Variants in SMYD3 observed in about 807,000 individuals in gnomAD.
The protein encoded by SMYD3 is histone-lysine N-methyltransferase SMYD3.
Under a neutral mutation model 57.7 loss-of-function variants are expected in SMYD3, and 36 were observed. The observed-to-expected ratio is 0.62, with a 90% CI of 0.48 to 0.82. SMYD3 has a LOEUF of 0.82. Among genes scored for constraint, SMYD3 ranks in the 40% least tolerant of loss-of-function variants. SMYD3 has a pLI of 0.00. For missense variants in SMYD3, 515 were observed against 538.8 expected (o/e 0.96, Z 0.44); for synonymous variants, 211 against 195.0 (o/e 1.08, Z -0.68).
rs111447659 is a variant in SMYD3 at position 246,001,731 on chromosome 1, T to C, written c.532-71794A>G. ...GATAGTCAAACAGGGGTCATTGCCC[T>C]GGCTGATAATTTTCAGAATTGCAGA... On this transcript the variant is annotated intron_variant, in intron 5 of 11. Transcript: ENST00000490107. Among the ~76,000 whole-genome samples the C allele has an allele frequency of 9.0e-3, 1,369 of 152,358 alleles. 17 individuals carry two copies. Among genetic ancestry groups the C allele is most frequent in the African/African-American group, 0.031 (1,278 of 41,590 alleles).
chr1:245,777,389 C>A (rs954174421), intron 10 of SMYD3, among the ~76,000 whole-genome samples: 2 of 152,016 alleles, frequency 1.3e-5, no homozygotes, highest in Admixed American at 1.3e-4. Context: ...CTAAGGTAGA[C>A]AAAAAATTGA....
At chr1:246,164,279 T>G (rs921246507) in intron 5 of SMYD3, among the ~76,000 whole-genome samples, 5 of 152,030 alleles carry the variant, frequency 3.3e-5, no homozygotes, top group Non-Finnish European at 5.9e-5. Context: ...AAAAATTAGC[T>G]GGGCGTGGTG....
rs551660725 is a variant in SMYD3 at position 246,081,986 on chromosome 1, G to A, written c.532-152049C>T. ...GATATTTGAGGAGTTCTGAAACCACGTTTGCCAAGATCATGACGGTGAGAG... is the reference window on the plus strand; with the variant it reads ...GATATTTGAGGAGTTCTGAAACCACATTTGCCAAGATCATGACGGTGAGAG... On this transcript the variant is annotated intron_variant, in intron 5 of 11. Coordinates refer to ENST00000490107, the MANE Select transcript of SMYD3 (RefSeq NM_001167740.2). Among the ~76,000 whole-genome samples the A allele has an allele frequency of 2.5e-4, 38 of 152,298 alleles. No homozygotes were observed. The South Asian group carries it at 4.4e-3, about 17-fold the overall frequency.
intron 1 of SMYD3, among the ~76,000 whole-genome samples, chr1:246,440,928 C>T (rs2067453106): frequency 6.6e-6 from 1 of 152,132 alleles, no homozygotes; most frequent in Non-Finnish European, 1.5e-5. Context: ...AACCTCAGTG[C>T]CATGTGTGTA....
At chr1:246,311,628 G>A (rs947083838) in intron 5 of SMYD3, among the ~76,000 whole-genome samples, 1 of 152,178 alleles carries the variant, frequency 6.6e-6, no homozygotes, top group African/African-American at 2.4e-5. Context: ...ACACGCACAC[G>A]CACACGCGTG....
intron 5 of SMYD3, among the ~76,000 whole-genome samples, chr1:246,014,276 T>G (rs2059338517): frequency 6.6e-6 from 1 of 152,174 alleles, no homozygotes; most frequent in Non-Finnish European, 1.5e-5. Flanking sequence ...GAGCCGAGAT[T>G]GCGGCATTGC....
intron 1 of SMYD3, among the ~76,000 whole-genome samples, chr1:246,501,587 T>A (rs182824758): frequency 6.6e-6 from 1 of 152,182 alleles, no homozygotes; most frequent in Non-Finnish European, 1.5e-5. Flanking sequence ...TCACTGGCCA[T>A]CACCTTCCTT....
intron 10 of SMYD3, among the ~76,000 whole-genome samples, chr1:245,789,931 TCATTCATG>T (rs1179297834): frequency 6.6e-6 from 1 of 152,258 alleles, no homozygotes; most frequent in Non-Finnish European, 1.5e-5. Flanking sequence ...GTTCATTCAT[TCATTCATG>T]CATTCACATT....
intron 5 of SMYD3, among the ~76,000 whole-genome samples, chr1:246,036,612 GGT>G (rs1234175151): frequency 6.7e-6 from 1 of 149,950 alleles, no homozygotes; most frequent in African/African-American, 2.5e-5. Context: ...GGAGTGCAGT[GGT>G]GCGATCTCGG....
chr1:246,473,906 G>A (rs2067993120), intron 1 of SMYD3, among the ~76,000 whole-genome samples: 1 of 152,100 alleles, frequency 6.6e-6, no homozygotes, highest in Non-Finnish European at 1.5e-5. Flanking sequence ...GCCGATTGTT[G>A]CCATCTACCC....
chr1:246,312,596 C>G (rs375447252), intron 5 of SMYD3, among the ~76,000 whole-genome samples: 1 of 151,844 alleles, frequency 6.6e-6, no homozygotes, highest in Admixed American at 6.6e-5. Context: ...GTATGCTGTG[C>G]GGAAGAAAAG....
At chr1:246,444,424 C>T (rs1156719882) in intron 1 of SMYD3, among the ~76,000 whole-genome samples, 1 of 151,998 alleles carries the variant, frequency 6.6e-6, no homozygotes, top group Non-Finnish European at 1.5e-5. Context: ...GCGCCCAGCC[C>T]CAGAACCTAA....
At chr1:246,373,595 T>A (rs1042681737) in intron 1 of SMYD3, among the ~76,000 whole-genome samples, 1 of 152,138 alleles carries the variant, frequency 6.6e-6, no homozygotes, top group Admixed American at 6.6e-5. Flanking sequence ...GGATTTAATA[T>A]CTTCCACAAT....
At chr1:246,178,027 T>C (rs533923536) in intron 5 of SMYD3, among the ~76,000 whole-genome samples, 5 of 152,332 alleles carry the variant, frequency 3.3e-5, no homozygotes, top group Admixed American at 3.3e-4. Context: ...TTAATTATTG[T>C]TATGACACAC....
intron 5 of SMYD3, among the ~76,000 whole-genome samples, chr1:246,004,581 G>T (rs904962428): frequency 6.6e-6 from 1 of 152,234 alleles, no homozygotes; most frequent in Non-Finnish European, 1.5e-5. Context: ...TGATTTCCAG[G>T]CTGGCTCCCT....
intron 2 of SMYD3, among the ~76,000 whole-genome samples, chr1:246,353,809 G>T (rs2148703952): frequency 6.6e-6 from 1 of 152,270 alleles, no homozygotes; most frequent in East Asian, 1.9e-4. Context: ...ATAATACAGT[G>T]CCTGGCACAC....
intron 1 of SMYD3, among the ~76,000 whole-genome samples, chr1:246,362,768 A>G (rs1054861926): frequency 2.1e-4 from 32 of 152,294 alleles, no homozygotes; most frequent in African/African-American, 7.2e-4. Flanking sequence ...TCAGTGGTCA[A>G]TGGTGCCCAG....
intron 5 of SMYD3, among the ~76,000 whole-genome samples, chr1:246,238,977 G>C (rs2063557505): frequency 1.3e-5 from 2 of 149,436 alleles, no homozygotes; most frequent in South Asian, 4.3e-4. Flanking sequence ...AGAGATGCCT[G>C]ATGAGCGTCA....
intron 5 of SMYD3, among the ~76,000 whole-genome samples, chr1:245,948,825 C>G (rs888987149): frequency 6.6e-6 from 1 of 152,132 alleles, no homozygotes; most frequent in African/African-American, 2.4e-5. Flanking sequence ...CCACCTGCAG[C>G]CACCACCTAG....
Sources: allele counts gnomAD v4.1 joint callset (sites outside exome capture counted in the v4.1 genomes callset), GRCh38; gene constraint gnomAD v4.1.1; transcripts MANE v1.5; gene names NCBI Gene and HGNC (gene_info 2026-07-23, HGNC 2026-07-21).